Variants in DNAJA3 observed in about 807,000 individuals in gnomAD.
DNAJA3 encodes the protein dnaJ homolog subfamily A member 3, mitochondrial.
In DNAJA3, 29 loss-of-function variants were observed where a neutral mutation model predicts 54.9. That is an observed-to-expected ratio of 0.53 (90% CI 0.39 to 0.72). The LOEUF (loss-of-function observed/expected upper bound fraction) is 0.72. DNAJA3 is among the 30% of genes least tolerant of loss of function. The pLI is 0.00. For missense variants in DNAJA3, 708 were observed against 639.4 expected, an observed-to-expected ratio of 1.11 and a Z score of -1.16; for synonymous variants, 302 against 251.4, an observed-to-expected ratio of 1.20 and a Z score of -1.90.
At chr16:4,442,752 C>T (rs1401209681) in intron 5 of DNAJA3, 4 of 563,040 alleles carry the variant, frequency 7.1e-6, no homozygotes, top group Non-Finnish European at 1.2e-5. Flanking sequence ...CAGGAGTCTT[C>T]AGGTACTTCT....
rs947589112 is a variant in DNAJA3 at position 4,429,078 on chromosome 16, T to C, written c.211+2986T>C. On this transcript the variant is annotated intron_variant, in intron 1 of 11. Coordinates refer to ENST00000262375, the MANE Select transcript of DNAJA3 (RefSeq NM_005147.6). The stretch of plus-strand genomic sequence containing the variant: ...TAATTTTTTGTATTTTTAGTAGAGA[T>C]GGAGTTTCACTGTGTTAGCCAGGAC... Among the ~76,000 whole-genome samples, 4 of 151,626 alleles carry C rather than the reference T, an allele frequency of 2.6e-5. No homozygotes were observed. The East Asian group carries it at 5.8e-4, about 22-fold the overall frequency.
chr16:4,437,222 T>C (rs1218417462), intron 2 of DNAJA3, among the ~76,000 whole-genome samples, 180 bp from the exon 3 acceptor site: 1 of 151,854 alleles, frequency 6.6e-6, no homozygotes, highest in Non-Finnish European at 1.5e-5. Context: ...CTGCCTGCCT[T>C]CACTTCCCAA....
At chr16:4,437,508 G>A (rs918610814) in intron 3 of DNAJA3, 23 bp downstream of exon 3, 14 of 1,593,558 alleles carry the variant, frequency 8.8e-6, no homozygotes, top group African/African-American at 1.3e-5. Flanking sequence ...CGGTGCATGC[G>A]GTCACTGCTG....
At chr16:4,436,284 C>T (rs2141375779) in intron 2 of DNAJA3, among the ~76,000 whole-genome samples, 1 of 152,256 alleles carries the variant, frequency 6.6e-6, no homozygotes, top group South Asian at 2.1e-4. Flanking sequence ...AGTCAGGTGC[C>T]TGATCCAAGA....
chr16:4,432,782 G>T (rs192061053), intron 1 of DNAJA3, among the ~76,000 whole-genome samples: 1 of 152,166 alleles, frequency 6.6e-6, no homozygotes, highest in Admixed American at 6.5e-5. Context: ...GTTGCAGTGA[G>T]CCAAAATCGC....
intron 3 of DNAJA3, among the ~76,000 whole-genome samples, chr16:4,438,158 TA>T (rs896170214): frequency 1.3e-5 from 2 of 150,452 alleles, no homozygotes; most frequent in African/African-American, 2.4e-5. Flanking sequence ...CTACTAAAAA[TA>T]AAAAAAAATT....
chr16:4,454,699 C>A, intron 10 of DNAJA3, 112 bp from the exon 11 acceptor site: 1 of 712,200 alleles, frequency 1.4e-6, no homozygotes, highest in Non-Finnish European at 2.4e-6. Context: ...TGGCACTTGG[C>A]CGCTTCTTGA....
intron 1 of DNAJA3, among the ~76,000 whole-genome samples, chr16:4,428,796 G>T (rs2056655199): frequency 6.6e-6 from 1 of 152,096 alleles, no homozygotes; most frequent in Non-Finnish European, 1.5e-5. Flanking sequence ...CCAGCGCTAT[G>T]CTGGCGCTGA....
In DNAJA3 at chr16:4,455,836, A is replaced by G. The variant is rs557143904; in HGVS notation, c.*304A>G. 1 of 558,788 alleles carries G rather than the reference A, an allele frequency of 1.8e-6. No individual in the cohort carries two copies. The highest frequency in any genetic ancestry group is 2.8e-5 in the East Asian group (1 of 35,664). 34.6% of individuals were successfully genotyped at this position (558,788 alleles called of 1,614,324 possible). ...GAGATGGTTAGACTCTTGCAGGGCT[A>G]AAACTCTAATTTGGAATTGAATATT... On this transcript the variant is annotated 3_prime_UTR_variant, in exon 12 of 12. Coordinates refer to ENST00000262375, the MANE Select transcript of DNAJA3 (RefSeq NM_005147.6).
chr16:4,448,858 C>T lies in DNAJA3; in HGVS notation c.1241+10C>T. The stretch of plus-strand genomic sequence containing the variant: ...AGATACGAGTTCCAAAGTAAGTGCC[C>T]CCTAGGCTGTGGCCAAGCCCGCCTG... On this transcript the variant is annotated intron_variant, in intron 9 of 11. Transcript: ENST00000262375. 1 of 1,607,844 alleles carries T rather than the reference C, an allele frequency of 6.2e-7. No homozygotes were observed. The highest frequency in any genetic ancestry group is 1.3e-5 in the African/African-American group (1 of 74,922).
intron 1 of DNAJA3, chr16:4,433,120 C>A (rs540362456): frequency 2.0e-5 from 3 of 152,214 alleles, no homozygotes; most frequent in African/African-American, 7.2e-5. Flanking sequence ...CCAGCCTGGG[C>A]GACAGAGCGA....
chr16:4,434,371 T>G lies in DNAJA3; in HGVS notation c.212-13T>G. 1 of 1,611,288 alleles carries G rather than the reference T, an allele frequency of 6.2e-7. No homozygotes were observed. Among genetic ancestry groups the G allele is most frequent in the South Asian group, 1.1e-5 (1 of 90,498 alleles). ...CATTCCCAGAGTGATTTTCTTTGTT[T>G]TTTCCTTTTTAGGAACAAAACATAA... On this transcript the variant is annotated splice_polypyrimidine_tract_variant and intron_variant, in intron 1 of 11. Transcript: ENST00000262375.
At chr16:4,442,836 T>C (rs2056853330) in intron 5 of DNAJA3, 181 bp from the exon 6 acceptor site, 1 of 646,734 alleles carries the variant, frequency 1.5e-6, no homozygotes, top group Non-Finnish European at 2.6e-6. Flanking sequence ...GTTTGTGTGT[T>C]CTAGAAAATC....
In DNAJA3 at chr16:4,443,139, G is replaced by A. The variant is rs1486252715; in HGVS notation, c.906G>A (p.Lys302=). 1.2e-6 allele frequency: 2 copies of A among 1,613,930 alleles called. No homozygotes were observed. The highest frequency in any genetic ancestry group is 2.2e-5 in the East Asian group (1 of 44,878). Residue 302 remains lysine, a synonymous_variant, in exon 6 of 12, where the codon AAG becomes AAA. Coordinates refer to ENST00000262375, the MANE Select transcript of DNAJA3 (RefSeq NM_005147.6). ...GAGCAGGACAAGCCAAGCAGAAAAA[G>A]CGAGTGATGATCCCTGTGCCTGCAG... The part of the protein sequence containing the change: ...CRGAGQAKQK[K]RVMIPVPAGV...
Position 4,434,886 on chromosome 16 carries a change from C to CTTTTTTT in DNAJA3, c.345+391_345+397dup, listed in dbSNP as rs202179531. Among the ~76,000 whole-genome samples the CTTTTTTT allele has an allele frequency of 2.9e-3, 295 of 100,150 alleles. 7 individuals are homozygous for CTTTTTTT. Among genetic ancestry groups the CTTTTTTT allele is most frequent in the Admixed American group, 3.5e-3 (30 of 8,614 alleles). The allele number at this position is 100,150 out of a possible 152,430, so 65.7% of individuals were successfully genotyped here. ...GGTTTAGAATTACTTCCTTTCCTTT[C>CTTTTTTT]TTTTTTTTTTTTTTTTTTTTTTTTT... On this transcript the variant is annotated intron_variant, in intron 2 of 11. Coordinates refer to ENST00000262375, the MANE Select transcript of DNAJA3 (RefSeq NM_005147.6).
Position 4,454,887 on chromosome 16 carries a change from C to T in DNAJA3, c.1416C>T (p.Ser472=). 6.2e-7 allele frequency: 1 copy of T among 1,613,930 alleles called. No individual in the cohort carries two copies. The highest frequency in any genetic ancestry group is 8.5e-7 in the Non-Finnish European group (1 of 1,179,852). ...EAGEDEEGFL[S]KLKKMFTS ...GGGAGGACGAGGAGGGATTCCTTTCCAAACTTAAGAAAATGTTTACCTCAT... is the reference window on the plus strand; with the variant it reads ...GGGAGGACGAGGAGGGATTCCTTTCTAAACTTAAGAAAATGTTTACCTCAT... Residue 472 remains serine (S), a synonymous_variant, in exon 11 of 12, where the codon TCC becomes TCT. Coordinates refer to ENST00000262375, the MANE Select transcript of DNAJA3 (RefSeq NM_005147.6).
At position 4,444,710 on chromosome 16, in the gene DNAJA3, A is replaced by T. The variant is rs2056882028; in HGVS notation, c.978A>T (p.Glu326Asp). Residue 326 changes from glutamate (E) to aspartate (D), a missense_variant, in exon 7 of 12, where the codon GAA (glutamate) becomes GAT (aspartate). Transcript: ENST00000262375. ...TGAGGATGCCTGTGGGAAAAAGGGA[A>T]ATTTTCATTACGTTCAGGGTAGGTG... ...QTVRMPVGKR[E>D]IFITFRVQKS... The T allele has an allele frequency of 6.2e-7, 1 of 1,613,940 alleles. No individual in the cohort carries two copies. The highest frequency in any genetic ancestry group is 1.3e-5 in the African/African-American group (1 of 74,898).
chr16:4,433,216 G>A (rs1299393850), intron 1 of DNAJA3: 1 of 152,228 alleles, frequency 6.6e-6, no homozygotes, highest in Admixed American at 6.5e-5. Flanking sequence ...AGCAGTTGGT[G>A]TCTTGCTATT....
In DNAJA3 at chr16:4,426,233, G is replaced by C. The variant is rs2056620526; in HGVS notation, c.211+141G>C. The C allele has an allele frequency of 8.0e-6, 8 of 1,005,190 alleles. No homozygotes were observed. In the South Asian group the frequency reaches 1.7e-4, roughly 21 times the overall value. 62.3% of individuals were successfully genotyped at this position (1,005,190 alleles called of 1,614,324 possible). On this transcript the variant is annotated intron_variant, in intron 1 of 11. Coordinates refer to ENST00000262375, the MANE Select transcript of DNAJA3 (RefSeq NM_005147.6). ...TGCACAATTGCCGGAGACACAGACAGGCAGGAGGCGGGGAGGCCCCAGTGG... is the reference window on the plus strand; with the variant it reads ...TGCACAATTGCCGGAGACACAGACACGCAGGAGGCGGGGAGGCCCCAGTGG...
Sources: gnomAD v4.1 joint callset for allele counts (sites outside exome capture counted in the v4.1 genomes callset) on GRCh38, gnomAD v4.1.1 for gene constraint, MANE v1.5 for transcripts, NCBI Gene and HGNC (gene_info 2026-07-23, HGNC 2026-07-21) for gene names.